Variants in ZC3H6 observed in about 807,000 individuals in gnomAD.
ZC3H6 encodes zinc finger CCCH-type containing 6.
In ZC3H6, 40 loss-of-function variants were observed where a neutral mutation model predicts 107.7. That is an observed-to-expected ratio of 0.37 (90% CI 0.29 to 0.48). The LOEUF (loss-of-function observed/expected upper bound fraction) is 0.48, where lower values mean the gene tolerates loss of function less well. Among genes scored for constraint, ZC3H6 ranks in the 20% least tolerant of loss-of-function variants. The probability of loss-of-function intolerance (pLI) is 0.98; values close to 1 mark genes in which losing one functional copy is unlikely to be tolerated. For missense variants in ZC3H6, 1,267 were observed against 1,410.4 expected (o/e 0.90, Z 1.63); for synonymous variants, 493 against 487.9 (o/e 1.01, Z -0.14).
intron 3 of ZC3H6, among the ~76,000 whole-genome samples, chr2:112,304,086 G>C (rs1463551774): frequency 6.6e-6 from 1 of 152,152 alleles, no homozygotes; most frequent in Non-Finnish European, 1.5e-5. Flanking sequence ...CATAATGCCT[G>C]AGGGTTTCAA....
chr2:112,290,871 A>G (rs1480408898), intron 1 of ZC3H6, among the ~76,000 whole-genome samples: 2 of 152,264 alleles, frequency 1.3e-5, no homozygotes, highest in East Asian at 1.9e-4. Context: ...GCTGTAAGCA[A>G]TAAAATGTTG....
In ZC3H6 at chr2:112,335,379, G is replaced by A. The variant is rs140432407; in HGVS notation, c.*2891G>A. 1 of 152,262 alleles carries A rather than the reference G, an allele frequency of 6.6e-6. No individual in the cohort carries two copies. The highest frequency in any genetic ancestry group is 1.9e-4 in the East Asian group (1 of 5,190). The allele number at this position is 152,262 out of a possible 1,614,324, so 9.4% of individuals were successfully genotyped here. A position where few individuals can be genotyped will look rare whatever the true frequency, so the allele number is the denominator to read the frequency against. The stretch of plus-strand genomic sequence containing the variant: ...CTTACTTTAAGCTGGAAGAAGAGTT[G>A]AGTAGTAAATCCTGTGTGAACTTTT... On this transcript the variant is annotated 3_prime_UTR_variant, in exon 12 of 12. Transcript: ENST00000409871.
chr2:112,291,956 G>A (rs1172543319), intron 1 of ZC3H6, among the ~76,000 whole-genome samples: 3 of 152,176 alleles, frequency 2.0e-5, no homozygotes, highest in Non-Finnish European at 2.9e-5. Flanking sequence ...GACCTGAAGC[G>A]ATCTGCCTGC....
intron 11 of ZC3H6, among the ~76,000 whole-genome samples, chr2:112,326,076 T>C (rs2104723772): frequency 6.6e-6 from 1 of 152,142 alleles, no homozygotes; most frequent in South Asian, 2.1e-4. Flanking sequence ...TTTTAAATTA[T>C]TTTTGTGGGT....
At chr2:112,307,786 T>C (rs1676505582) in intron 3 of ZC3H6, among the ~76,000 whole-genome samples, 1 of 152,144 alleles carries the variant, frequency 6.6e-6, no homozygotes, top group South Asian at 2.1e-4. Flanking sequence ...ATATTTACAG[T>C]TGGGAATCTA....
At chr2:112,292,934 T>C (rs1198319005) in intron 1 of ZC3H6, among the ~76,000 whole-genome samples, 3 of 152,274 alleles carry the variant, frequency 2.0e-5, no homozygotes, top group African/African-American at 4.8e-5. Context: ...AATTATTACA[T>C]TGGAGCTATA....
In ZC3H6 at chr2:112,310,178, A is replaced by G. The variant is rs1676569527; in HGVS notation, c.613+17A>G. 6.2e-7 allele frequency: 1 copy of G among 1,607,422 alleles called. No homozygotes were observed. Among genetic ancestry groups the G allele is most frequent in the South Asian group, 1.1e-5 (1 of 90,016 alleles). On this transcript the variant is annotated intron_variant, in intron 4 of 11. Coordinates refer to ENST00000409871, the MANE Select transcript of ZC3H6 (RefSeq NM_198581.3). ...TTCAGCAAGGTAAGTTTGAAATTAC[A>G]GTCTGTCTTAGAATGTGAGAACCTT...
intron 11 of ZC3H6, among the ~76,000 whole-genome samples, chr2:112,326,242 T>C (rs527784753): frequency 2.6e-5 from 4 of 152,282 alleles, no homozygotes; most frequent in Admixed American, 6.5e-5. Flanking sequence ...AGTTTTTTTT[T>C]AAATGTACAA....
At chr2:112,290,430 A>T (rs1347083923) in intron 1 of ZC3H6, among the ~76,000 whole-genome samples, 1 of 152,248 alleles carries the variant, frequency 6.6e-6, no homozygotes, top group Non-Finnish European at 1.5e-5. Context: ...TCCCTGACGG[A>T]TGACTTTCCC....
chr2:112,314,055 G>T (rs1186204031), intron 5 of ZC3H6, among the ~76,000 whole-genome samples: 1 of 151,896 alleles, frequency 6.6e-6, no homozygotes, highest in Non-Finnish European at 1.5e-5. Context: ...TCCTCTACCT[G>T]ATATATATTA....
chr2:112,325,436 G>A (rs1251064066), intron 11 of ZC3H6, among the ~76,000 whole-genome samples: 1 of 152,000 alleles, frequency 6.6e-6, no homozygotes, highest in African/African-American at 2.4e-5. Context: ...AGAGGTTGCA[G>A]TGAGACTAGG....
intron 5 of ZC3H6, 90 bp from the exon 6 acceptor site, chr2:112,316,380 T>G (rs1436672546): frequency 2.6e-6 from 2 of 775,750 alleles, no homozygotes; most frequent in Non-Finnish European, 4.3e-6. Context: ...TGTAGTCAAT[T>G]TGTACTTTTT....
At chr2:112,324,033 C>CA in intron 9 of ZC3H6, 119 bp from the exon 10 acceptor site, 1 of 1,106,554 alleles carries the variant, frequency 9.0e-7, no homozygotes, top group Non-Finnish European at 1.3e-6. Flanking sequence ...GCTTCTTAAA[C>CA]ACACAGTATT....
In ZC3H6 at chr2:112,334,297, G is replaced by C. The variant is rs1443391170; in HGVS notation, c.*1809G>C. 6.6e-6 allele frequency: 1 copy of C among 151,932 alleles called. No homozygotes were observed. The highest frequency in any genetic ancestry group is 2.1e-4 in the South Asian group (1 of 4,826). 9.4% of individuals were successfully genotyped at this position (151,932 alleles called of 1,614,324 possible). On this transcript the variant is annotated 3_prime_UTR_variant, in exon 12 of 12. Coordinates refer to ENST00000409871, the MANE Select transcript of ZC3H6 (RefSeq NM_198581.3). ...AAGGTGTAATTTACTCTTTTGTCAG[G>C]ATAAAATCAGAAAAATGGCTGATTT... is the stretch of plus-strand genomic sequence containing the variant.
At chr2:112,313,067 G>T (rs1025324388) in intron 5 of ZC3H6, among the ~76,000 whole-genome samples, 14 of 152,226 alleles carry the variant, frequency 9.2e-5, no homozygotes, top group African/African-American at 3.1e-4. Context: ...ATAAATTTGC[G>T]AAACCCAGCA....
At chr2:112,330,922 TAATTTATAATTATAATATAATAATTTTA>T in intron 11 of ZC3H6, 55 bp from the exon 12 acceptor site, 1 of 591,764 alleles carries the variant, frequency 1.7e-6, no homozygotes, top group Non-Finnish European at 2.3e-6. Flanking sequence ...TTATAAAGAA[TAATTTATAATTATAATATAATAATTTTA>T]TTATATTATA....
chr2:112,300,947 A>G (rs2104705951), intron 2 of ZC3H6, among the ~76,000 whole-genome samples: 1 of 152,358 alleles, frequency 6.6e-6, no homozygotes, highest in South Asian at 2.1e-4. Context: ...ACCAAAACCC[A>G]TTGACAACAT....
At position 112,311,822 on chromosome 2, in the gene ZC3H6, A is replaced by C; in HGVS notation, c.632A>C (p.Lys211Thr). Reference protein sequence around the residue: ...GVQQGIEQRVKSFNVGRGRGL... With the variant: ...GVQQGIEQRVTSFNVGRGRGL... Reference sequence around the variant, plus strand: ...TTTCTAGGTATTGAACAGAGAGTTAAAAGTTTTAATGTTGGTCGTGGACGT... The same window carrying C: ...TTTCTAGGTATTGAACAGAGAGTTACAAGTTTTAATGTTGGTCGTGGACGT... The change falls in exon 5 of 12, where the codon AAA becomes ACA. Residue 211 changes from lysine (K) to threonine (T), a missense_variant. Lys to Thr is a moderately conservative substitution (Grantham distance 78, BLOSUM62 -1). Around this residue, in one of 3 missense-constraint regions of ZC3H6, gnomAD observed 337 missense variants for 361.2 expected, o/e 0.93. Transcript: ENST00000409871. 1 of 1,612,124 alleles carries C rather than the reference A, an allele frequency of 6.2e-7. No homozygotes were observed. The highest frequency in any genetic ancestry group is 1.1e-5 in the South Asian group (1 of 90,748).
intron 1 of ZC3H6, among the ~76,000 whole-genome samples, chr2:112,276,314 G>A (rs1388223702): frequency 6.6e-6 from 1 of 150,758 alleles, no homozygotes; most frequent in Non-Finnish European, 1.5e-5. Flanking sequence ...TGTGCGCCGG[G>A]CGGCTCTCAG....
Sources: gnomAD v4.1 joint callset for allele counts (sites outside exome capture counted in the v4.1 genomes callset) on GRCh38, gnomAD v4.1.1 for gene constraint, gnomAD v4.1.1 regional missense constraint, MANE v1.5 for transcripts, NCBI Gene and HGNC (gene_info 2026-07-23, HGNC 2026-07-21) for gene names.